The following GPATCH8 variants were observed in gnomAD, a reference collection of about 807,000 sequenced individuals.
GPATCH8 encodes G-patch domain containing 8, also known as G patch domain-containing protein 8.
GPATCH8 carries 18 observed loss-of-function variants against 118.3 expected under a neutral mutation model. The observed-to-expected ratio is 0.15, with a 90% CI of 0.11 to 0.23. GPATCH8 has a LOEUF of 0.23. GPATCH8 is among the 10% of genes least tolerant of loss of function. The pLI, the probability that GPATCH8 is intolerant of heterozygous loss-of-function variation, is 1.00. For synonymous variants in GPATCH8, 659 were observed against 684.7 expected, an observed-to-expected ratio of 0.96 and a Z score of 0.59; for missense variants, 1,631 against 1,873.8, an observed-to-expected ratio of 0.87 and a Z score of 2.39.
intron 3 of GPATCH8, among the ~76,000 whole-genome samples, chr17:44,455,594 A>C (rs1358782033): frequency 6.6e-6 from 1 of 152,182 alleles, no homozygotes; most frequent in South Asian, 2.1e-4. Flanking sequence ...CTCTAGATCA[A>C]TATTTGGCAC....
At chr17:44,467,066 G>GC in intron 2 of GPATCH8, 2 of 1,151,306 alleles carry the variant, frequency 1.7e-6, no homozygotes, top group Non-Finnish European at 2.3e-6. Context: ...CAAAAGCAGT[G>GC]CAAGTGGAGT....
chr17:44,427,586 CT>C (rs998640664), intron 5 of GPATCH8, among the ~76,000 whole-genome samples: 4 of 151,818 alleles, frequency 2.6e-5, no homozygotes, highest in African/African-American at 9.7e-5. Flanking sequence ...TAATAAAAAA[CT>C]GGGTGGGCAG....
At chr17:44,420,300 C>T (rs1385605245) in intron 6 of GPATCH8, among the ~76,000 whole-genome samples, 2 of 152,112 alleles carry the variant, frequency 1.3e-5, no homozygotes, top group African/African-American at 4.8e-5. Context: ...TACAACATAA[C>T]TTGGGACTTA....
rs777095582 is a variant in GPATCH8 at position 44,397,864 on chromosome 17, C to A, written c.4213G>T (p.Val1405Leu). The change falls in exon 8 of 8, where the codon GTG (valine) becomes TTG (leucine). Residue 1405 changes from valine (V) to leucine (L), a missense_variant. Coordinates refer to ENST00000591680, the MANE Select transcript of GPATCH8 (RefSeq NM_001002909.4). ...AGATGGGGCTGGGGAATATGATGCA[C>A]CTGGGCAAGTGGTTGGGGATGGGGG... The part of the protein sequence containing the change: ...PHPHPQPLAQ[V>L]HHIPQPHLTP... 2 of 1,607,762 alleles carry A rather than the reference C, an allele frequency of 1.2e-6. No individual in the cohort carries two copies. Among genetic ancestry groups the A allele is most frequent in the South Asian group, 2.2e-5 (2 of 90,734 alleles).
intron 1 of GPATCH8, among the ~76,000 whole-genome samples, chr17:44,495,419 A>G (rs1161131573): frequency 6.6e-6 from 1 of 152,182 alleles, no homozygotes; most frequent in Non-Finnish European, 1.5e-5. Flanking sequence ...TTTATTAGCT[A>G]TACTGTTTTT....
At chr17:44,475,035 A>AT (rs1967628444) in intron 1 of GPATCH8, 132 bp from the exon 2 acceptor site, 1 of 657,840 alleles carries the variant, frequency 1.5e-6, no homozygotes, top group African/African-American at 1.8e-5. Flanking sequence ...GCAATCGTTC[A>AT]TTTTCAGTAC....
intron 5 of GPATCH8, among the ~76,000 whole-genome samples, chr17:44,425,437 C>T (rs1338924433): frequency 6.6e-6 from 1 of 152,190 alleles, no homozygotes; most frequent in Non-Finnish European, 1.5e-5. Flanking sequence ...TTTGGACAGA[C>T]TTATTAAAAC....
At chr17:44,401,548 T>G in intron 7 of GPATCH8, 95 bp from the exon 8 acceptor site, 2 of 833,628 alleles carry the variant, frequency 2.4e-6, no homozygotes, top group Non-Finnish European at 4.2e-6. Flanking sequence ...ATCCTATCAT[T>G]CATTATAGGT....
chr17:44,434,138 AT>A (rs1316805018), intron 5 of GPATCH8, among the ~76,000 whole-genome samples: 2 of 151,358 alleles, frequency 1.3e-5, no homozygotes, highest in East Asian at 1.9e-4. Flanking sequence ...TTTAAAAAAA[AT>A]AATAATATTA....
At position 44,399,864 on chromosome 17, in the gene GPATCH8, C is replaced by A. The variant is rs781547870; in HGVS notation, c.2213G>T (p.Ser738Ile). The A allele has an allele frequency of 1.9e-6, 3 of 1,614,014 alleles. No individual in the cohort carries two copies. The highest frequency in any genetic ancestry group is 2.5e-6 in the Non-Finnish European group (3 of 1,179,974). ...ERGPKPEPPGSGSPAPPRRRR... is the reference protein window; with the variant it reads ...ERGPKPEPPGIGSPAPPRRRR... ...TCTTCTTGGTGGTGCGGGACTGCCA[C>A]TCCCAGGGGGTTCTGGTTTGGGTCC... Residue 738 changes from serine (S) to isoleucine (I), a missense_variant, in exon 8 of 8, where the codon AGT becomes ATT. Coordinates refer to ENST00000591680, the MANE Select transcript of GPATCH8 (RefSeq NM_001002909.4).
intron 3 of GPATCH8, among the ~76,000 whole-genome samples, chr17:44,445,490 G>A (rs2050842462): frequency 6.6e-6 from 1 of 150,614 alleles, no homozygotes; most frequent in African/African-American, 2.5e-5. Context: ...ATCTATGTGA[G>A]TATTTCTTTT....
intron 3 of GPATCH8, among the ~76,000 whole-genome samples, chr17:44,437,547 GTGTTGT>G (rs951000937): frequency 4.6e-5 from 7 of 151,752 alleles, no homozygotes; most frequent in African/African-American, 1.7e-4. Flanking sequence ...TTTTTTGGTT[GTGTTGT>G]TGTTGTTGTT....
At position 44,400,895 on chromosome 17, in the gene GPATCH8, G is replaced by T; in HGVS notation, c.1182C>A (p.Tyr394Ter). 6.2e-7 allele frequency: 1 copy of T among 1,613,938 alleles called. No homozygotes were observed. Among genetic ancestry groups the T allele is most frequent in the Non-Finnish European group, 8.5e-7 (1 of 1,179,828 alleles). ...EGAGATEPEY[Y>*]HYIPPAHCKV... ...TGCAGTGTGCTGGGGGGATGTAGTG[G>T]TAATACTCAGGCTCTGTAGCCCCAG... The change falls in exon 8 of 8, where the codon TAC becomes TAA. Residue 394 changes from tyrosine (Y) to a stop codon, truncating the protein, a stop_gained. Transcript: ENST00000591680. LOFTEE classifies it high-confidence loss of function.
rs1568011414 is a variant in GPATCH8, at chr17:44,453,499, G to GT, written c.193+10972_193+10973insA. On this transcript the variant is annotated intron_variant, in intron 3 of 7. Coordinates refer to ENST00000591680, the MANE Select transcript of GPATCH8 (RefSeq NM_001002909.4). The stretch of plus-strand genomic sequence containing the variant: ...TAGTTGTAGGTAGGTAGGTAGGTAG[G>GT]GGTGTGTGTGTGTGTGTGTGTGTGT... Among the ~76,000 whole-genome samples the GT allele has an allele frequency of 9.6e-3, 315 of 32,776 alleles. 6 individuals are homozygous for GT. The highest frequency in any genetic ancestry group is 0.043 in the East Asian group (62 of 1,436). The allele number at this position is 32,776 out of a possible 152,430, so 21.5% of individuals were successfully genotyped here.
chr17:44,432,023 T>C (rs1286547986), intron 5 of GPATCH8, among the ~76,000 whole-genome samples: 1 of 151,036 alleles, frequency 6.6e-6, no homozygotes, highest in East Asian at 1.9e-4. Context: ...AGGTGGTAGC[T>C]ATATGGAGAG....
chr17:44,469,030 T>C (rs780010220), intron 2 of GPATCH8, among the ~76,000 whole-genome samples: 2 of 152,218 alleles, frequency 1.3e-5, no homozygotes, highest in African/African-American at 2.4e-5. Context: ...GGTTAAACCA[T>C]GTAGCTAAAC....
chr17:44,436,384 C>G, intron 4 of GPATCH8, 94 bp downstream of exon 4: 2 of 760,522 alleles, frequency 2.6e-6, no homozygotes, highest in Admixed American at 1.8e-5. Flanking sequence ...TACATTTCAT[C>G]TGATAAATGT....
chr17:44,464,000 C>T (rs2051663200), intron 3 of GPATCH8, among the ~76,000 whole-genome samples: 1 of 152,134 alleles, frequency 6.6e-6, no homozygotes, highest in Non-Finnish European at 1.5e-5. Context: ...TCTACCACTA[C>T]ATAAATTTCT....
chr17:44,480,021 T>C (rs1479026987), intron 1 of GPATCH8, among the ~76,000 whole-genome samples: 1 of 151,604 alleles, frequency 6.6e-6, no homozygotes, highest in Non-Finnish European at 1.5e-5. Context: ...CAAATCTTAT[T>C]CCTTTTCAAA....
Sources: gnomAD v4.1 joint callset for allele counts (sites outside exome capture counted in the v4.1 genomes callset) on GRCh38, gnomAD v4.1.1 for gene constraint, MANE v1.5 for transcripts, NCBI Gene and HGNC (gene_info 2026-07-23, HGNC 2026-07-21) for gene names.